The following ARID1B variants were observed in gnomAD, a reference collection of about 807,000 sequenced individuals.
ARID1B encodes the protein AT-rich interactive domain-containing protein 1B.
In ARID1B, 30 loss-of-function variants were observed where a neutral mutation model predicts 212.3. The ratio of observed to expected loss-of-function variants is 0.14; its 90% CI spans 0.11 to 0.19. The LOEUF is 0.19. Among genes scored for constraint, ARID1B ranks in the 10% least tolerant of loss-of-function variants. ARID1B has a pLI of 1.00. For missense variants in ARID1B, 2,891 were observed against 3,204.0 expected, an observed-to-expected ratio of 0.90 and a Z score of 2.36; for synonymous variants, 1,402 against 1,301.7, an observed-to-expected ratio of 1.08 and a Z score of -1.66.
chr6:156,797,169 C>G (rs1780441511), intron 1 of ARID1B, among the ~76,000 whole-genome samples: 1 of 151,162 alleles, frequency 6.6e-6, no homozygotes, highest in African/African-American at 2.5e-5. Context: ...GCAGAGTGTT[C>G]TAGGGGCTGG....
At chr6:156,871,656 AG>A in intron 2 of ARID1B, 2 of 1,612,222 alleles carry the variant, frequency 1.2e-6, no homozygotes, top group Non-Finnish European at 1.7e-6. Context: ...CTGGTTGGCA[AG>A]TATCTTCTTA....
Position 157,148,978 on chromosome 6 carries a change from G to C in ARID1B, c.3089+27G>C, listed in dbSNP as rs1790004174. The C allele has an allele frequency of 1.3e-6, 2 of 1,592,432 alleles. No individual in the cohort carries two copies. Among genetic ancestry groups the C allele is most frequent in the Non-Finnish European group, 8.6e-7 (1 of 1,167,950 alleles). On this transcript the variant is annotated intron_variant, in intron 8 of 19. Transcript: ENST00000636930. This position sits in a 1 kb window ranked among gnomAD's most constrained non-coding sequence, Gnocchi z 5.6. Reference sequence around the variant, plus strand: ...TACGCCACCCAGGAGCACGCCCCGGGCAGGTACGCTGTGTGTCTACCCGTG... The same window carrying C: ...TACGCCACCCAGGAGCACGCCCCGGCCAGGTACGCTGTGTGTCTACCCGTG...
intron 4 of ARID1B, among the ~76,000 whole-genome samples, chr6:156,988,543 A>C (rs1309384602): frequency 6.6e-6 from 1 of 152,138 alleles, no homozygotes; most frequent in East Asian, 1.9e-4. Context: ...TCTTGCTTCT[A>C]CTAGGAAGTG....
chr6:156,820,182 A>G (rs1042220187), intron 1 of ARID1B, among the ~76,000 whole-genome samples: 4 of 151,846 alleles, frequency 2.6e-5, no homozygotes, highest in African/African-American at 9.7e-5. Flanking sequence ...AAGCTTGGGG[A>G]GGTGATGGAA....
chr6:156,800,697 A>G (rs933187117), intron 1 of ARID1B, among the ~76,000 whole-genome samples: 2 of 152,126 alleles, frequency 1.3e-5, no homozygotes, highest in African/African-American at 4.8e-5. Context: ...ACTTGAGCCC[A>G]GGAGTTTGAG....
chr6:156,899,279 A>G (rs1251206575), intron 2 of ARID1B, among the ~76,000 whole-genome samples: 7 of 152,100 alleles, frequency 4.6e-5, no homozygotes, highest in African/African-American at 9.7e-5. Flanking sequence ...TTCAAACCCA[A>G]AGATTCTTTG....
chr6:157,164,507 T>G (rs760777640), intron 8 of ARID1B: 1 of 152,248 alleles, frequency 6.6e-6, no homozygotes, highest in African/African-American at 2.4e-5. Flanking sequence ...TTCATACATG[T>G]TAGTTACACT....
chr6:156,941,474 T>C (rs898715202), intron 4 of ARID1B: 1 of 152,234 alleles, frequency 6.6e-6, no homozygotes. Context: ...TCTGGAGATA[T>C]CAGTTATTTT....
At chr6:157,010,522 C>T (rs961178177) in intron 4 of ARID1B, among the ~76,000 whole-genome samples, 1 of 151,768 alleles carries the variant, frequency 6.6e-6, no homozygotes, top group Non-Finnish European at 1.5e-5. Context: ...GGAGTTTCAC[C>T]ATGTTGGCCA....
rs1176883723 is a variant in ARID1B at position 156,955,220 on chromosome 6, C to T, written c.2247+19644C>T. 1.3e-5 allele frequency among the ~76,000 whole-genome samples: 2 copies of T among 152,200 alleles called. No individual in the cohort carries two copies. The highest frequency in any genetic ancestry group is 2.9e-5 in the Non-Finnish European group (2 of 68,036). ...CTGTTGTATTTAGTGTAATTCCTAC[C>T]TTTGTGTCCCCTCTGAATTTGTATC... On this transcript the variant is annotated intron_variant, in intron 4 of 19. Coordinates refer to ENST00000636930, the MANE Select transcript of ARID1B (RefSeq NM_001374828.1). The surrounding 1 kb of genome is among the most constrained non-coding windows in gnomAD (Gnocchi z 4.2).
At chr6:157,072,944 T>C (rs895478126) in intron 4 of ARID1B, among the ~76,000 whole-genome samples, 24 of 152,220 alleles carry the variant, frequency 1.6e-4, no homozygotes, top group Non-Finnish European at 3.4e-4. Flanking sequence ...GTGCTGTCTT[T>C]GGTGTGTAGT....
intron 4 of ARID1B, among the ~76,000 whole-genome samples, chr6:157,058,512 G>A (rs113574319): frequency 3.9e-5 from 6 of 152,022 alleles, no homozygotes; most frequent in Non-Finnish European, 5.9e-5. Context: ...TGATCCACAC[G>A]CCTCGGCATC....
intron 4 of ARID1B, among the ~76,000 whole-genome samples, chr6:156,950,599 A>AT (rs1793507992): frequency 8.4e-6 from 1 of 119,640 alleles, no homozygotes; most frequent in Admixed American, 7.8e-5. Flanking sequence ...GCCAGGTGGT[A>AT]TTTTGCGGGG....
intron 6 of ARID1B, among the ~76,000 whole-genome samples, chr6:157,128,141 A>G (rs1254251800): frequency 2.0e-5 from 3 of 152,190 alleles, no homozygotes; most frequent in Non-Finnish European, 4.4e-5. Flanking sequence ...ATGAATAGAA[A>G]TACTTCATTT....
intron 4 of ARID1B, among the ~76,000 whole-genome samples, chr6:156,990,518 G>A (rs1214839519): frequency 2.0e-5 from 3 of 152,056 alleles, no homozygotes; most frequent in Non-Finnish European, 4.4e-5. Flanking sequence ...TCATGCGCCT[G>A]TAATCCCAGC....
chr6:157,138,410 G>A (rs1465908085), intron 7 of ARID1B, among the ~76,000 whole-genome samples: 1 of 151,994 alleles, frequency 6.6e-6, no homozygotes. Context: ...AATTTTTTTT[G>A]TATTTTTTGT....
At position 156,907,228 on chromosome 6, in the gene ARID1B, T is replaced by G. The variant is rs1041978920; in HGVS notation, c.2136+5703T>G. 3.3e-5 allele frequency among the ~76,000 whole-genome samples: 5 copies of G among 152,188 alleles called. No individual in the cohort carries two copies. In the East Asian group the frequency reaches 9.6e-4, roughly 29 times the overall value. ...TCCCCTTTCTTTTCTTTCTTTTCTCTTTTCCCTTTCTTTTTGTAGCTGTCC... is the reference window on the plus strand; with the variant it reads ...TCCCCTTTCTTTTCTTTCTTTTCTCGTTTCCCTTTCTTTTTGTAGCTGTCC... On this transcript the variant is annotated intron_variant, in intron 3 of 19. Transcript: ENST00000636930.
At chr6:156,847,961 C>T (rs1352801931) in intron 2 of ARID1B, among the ~76,000 whole-genome samples, 1 of 152,116 alleles carries the variant, frequency 6.6e-6, no homozygotes, top group Non-Finnish European at 1.5e-5. Flanking sequence ...ACCTGGCCTT[C>T]CCCTTGCCCT....
At chr6:156,953,025 G>A (rs1220568284) in intron 4 of ARID1B, among the ~76,000 whole-genome samples, 1 of 152,090 alleles carries the variant, frequency 6.6e-6, no homozygotes, top group Non-Finnish European at 1.5e-5. Flanking sequence ...TCAACTCTAG[G>A]GCTAGTGCTT....
Sources: gnomAD v4.1 joint callset for allele counts (sites outside exome capture counted in the v4.1 genomes callset) on GRCh38, gnomAD v4.1.1 for gene constraint, Gnocchi (gnomAD v3.1) non-coding constraint, MANE v1.5 for transcripts, NCBI Gene and HGNC (gene_info 2026-07-23, HGNC 2026-07-21) for gene names.